Variants in NCKAP5 observed in about 807,000 individuals in gnomAD.
NCKAP5 encodes NCK associated protein 5, also known as nck-associated protein 5.
NCKAP5 carries 92 observed loss-of-function variants against 167.0 expected under a neutral mutation model. That is an observed-to-expected ratio of 0.55 (90% CI 0.47 to 0.66). NCKAP5 has a LOEUF of 0.66. Ranked by LOEUF, NCKAP5 falls within the 30% of genes least tolerant of loss-of-function variation. The pLI, the probability that NCKAP5 is intolerant of heterozygous loss-of-function variation, is 0.00. For synonymous variants in NCKAP5, 891 were observed against 877.4 expected, an observed-to-expected ratio of 1.02 and a Z score of -0.27; for missense variants, 2,378 against 2,315.0, an observed-to-expected ratio of 1.03 and a Z score of -0.56.
chr2:133,143,442 A>C (rs1460473280), intron 5 of NCKAP5, among the ~76,000 whole-genome samples: 1 of 152,170 alleles, frequency 6.6e-6, no homozygotes, highest in African/African-American at 2.4e-5. Context: ...ATAAAAACAC[A>C]ACTGCTATAA....
chr2:133,431,470 A>C (rs1690156311), intron 3 of NCKAP5, among the ~76,000 whole-genome samples: 1 of 152,148 alleles, frequency 6.6e-6, no homozygotes, highest in Non-Finnish European at 1.5e-5. Context: ...GGAGGCCCTG[A>C]AGGCTTTTTC....
chr2:133,266,693 C>T (rs2089246632), intron 4 of NCKAP5, among the ~76,000 whole-genome samples: 1 of 152,168 alleles, frequency 6.6e-6, no homozygotes, highest in African/African-American at 2.4e-5. Flanking sequence ...TCACCGCAGC[C>T]CGGGCACCTC....
At chr2:132,902,389 CAG>C (rs1693693140) in intron 8 of NCKAP5, among the ~76,000 whole-genome samples, 1 of 152,136 alleles carries the variant, frequency 6.6e-6, no homozygotes, top group Non-Finnish European at 1.5e-5. Context: ...TCAAGGGGAA[CAG>C]AGTTATGACA....
intron 3 of NCKAP5, among the ~76,000 whole-genome samples, chr2:133,499,835 G>A (rs1682333297): frequency 6.6e-6 from 1 of 152,202 alleles, no homozygotes; most frequent in Admixed American, 6.5e-5. Context: ...TGGGATTACA[G>A]GCGTGAGCCA....
intron 6 of NCKAP5, among the ~76,000 whole-genome samples, chr2:133,128,878 G>A (rs759776030): frequency 3.3e-5 from 5 of 151,714 alleles, no homozygotes; most frequent in Non-Finnish European, 5.9e-5. Context: ...AATTACAGGC[G>A]TGAACCACTG....
Position 133,325,533 on chromosome 2 carries a change from C to T in NCKAP5, c.70-22423G>A, listed in dbSNP as rs77193469. The stretch of plus-strand genomic sequence containing the variant: ...TAAGCTCTTGCATCTCTAGTTTCTA[C>T]AGCCAACCATATACTGGTTTTAGGG... On this transcript the variant is annotated intron_variant, in intron 3 of 19. Coordinates refer to ENST00000409261, the MANE Select transcript of NCKAP5 (RefSeq NM_207363.3). Among the ~76,000 whole-genome samples the T allele has an allele frequency of 5.0e-3, 754 of 152,318 alleles. 7 individuals carry two copies. The highest frequency in any genetic ancestry group is 0.017 in the African/African-American group (712 of 41,558).
At chr2:133,673,512 T>C in the NCKAP5 span, among the ~76,000 whole-genome samples, 1 of 152,306 alleles carries the variant, frequency 6.6e-6, no homozygotes, top group African/African-American at 2.4e-5. Flanking sequence ...CTACTGTGTG[T>C]GTGAGGAGGT....
chr2:133,212,308 C>T (rs1175114405), intron 5 of NCKAP5, among the ~76,000 whole-genome samples: 1 of 152,174 alleles, frequency 6.6e-6, no homozygotes, highest in African/African-American at 2.4e-5. Flanking sequence ...GCTCAGTCCA[C>T]CATCCAACTA....
At chr2:133,199,434 A>C (rs2085577587) in intron 5 of NCKAP5, among the ~76,000 whole-genome samples, 1 of 152,076 alleles carries the variant, frequency 6.6e-6, no homozygotes. Flanking sequence ...TAGGCAAAAT[A>C]ATTTAACAAA....
intron 5 of NCKAP5, among the ~76,000 whole-genome samples, chr2:133,194,138 G>A (rs1291555929): frequency 6.6e-6 from 1 of 151,946 alleles, no homozygotes; most frequent in Non-Finnish European, 1.5e-5. Context: ...TTTTTCTAAG[G>A]CTCCTTTTTT....
intron 2 of NCKAP5, among the ~76,000 whole-genome samples, chr2:133,552,561 C>G (rs1199690003): frequency 7.7e-6 from 1 of 129,176 alleles, no homozygotes; most frequent in African/African-American, 2.9e-5. Context: ...CACATGGACA[C>G]AGGAAGGGGA....
At chr2:133,262,800 C>T (rs1198064034) in intron 4 of NCKAP5, among the ~76,000 whole-genome samples, 1 of 152,098 alleles carries the variant, frequency 6.6e-6, no homozygotes, top group African/African-American at 2.4e-5. Context: ...GGCACAGTTC[C>T]ACATAAAAAG....
chr2:133,074,522 G>T (rs763515530), intron 6 of NCKAP5, among the ~76,000 whole-genome samples: 1 of 151,986 alleles, frequency 6.6e-6, no homozygotes, highest in Non-Finnish European at 1.5e-5. Context: ...CAACCCTCCA[G>T]CTAGTTTTTT....
rs571281219 is a variant in NCKAP5, at chr2:132,890,038, G to T, written c.580-11122C>A. Among the ~76,000 whole-genome samples the T allele has an allele frequency of 1.4e-4, 21 of 152,282 alleles. 1 individual carries two copies. The South Asian group carries it at 4.3e-3, about 32-fold the overall frequency. ...TGTGGCTTTCCCACGGCAAAAGCTG[G>T]TCTTTTCCAGAGTGACATCTTTCAA... On this transcript the variant is annotated intron_variant, in intron 8 of 19. Transcript: ENST00000409261.
At chr2:133,204,564 TTC>T (rs2085858050) in intron 5 of NCKAP5, among the ~76,000 whole-genome samples, 1 of 152,204 alleles carries the variant, frequency 6.6e-6, no homozygotes, top group Non-Finnish European at 1.5e-5. Flanking sequence ...TTGTTTGACT[TTC>T]TCATTTTTAG....
At chr2:133,537,329 A>G (rs1411538957) in intron 2 of NCKAP5, among the ~76,000 whole-genome samples, 1 of 152,090 alleles carries the variant, frequency 6.6e-6, no homozygotes, top group African/African-American at 2.4e-5. Context: ...AGATCAACTT[A>G]TAAATGTCTG....
At chr2:133,227,564 A>G (rs1028729857) in intron 4 of NCKAP5, among the ~76,000 whole-genome samples, 4 of 152,180 alleles carry the variant, frequency 2.6e-5, no homozygotes, top group Non-Finnish European at 5.9e-5. Context: ...TCTCTACCCA[A>G]CTGAGCCATT....
rs113835365 is a variant in NCKAP5 at position 133,526,818 on chromosome 2, G to A, written c.-61-9231C>T. ...CCTGTGAACTCCTAAAGGGAAGGTCGGTATAGAAACAAAACAGATAAATAC... is the reference window on the plus strand; with the variant it reads ...CCTGTGAACTCCTAAAGGGAAGGTCAGTATAGAAACAAAACAGATAAATAC... On this transcript the variant is annotated intron_variant, in intron 2 of 19. Transcript: ENST00000409261. 7.8e-3 allele frequency among the ~76,000 whole-genome samples: 1,188 copies of A among 151,774 alleles called. 7 individuals carry two copies. The highest frequency in any genetic ancestry group is 0.027 in the African/African-American group (1,123 of 41,370).
intron 3 of NCKAP5, among the ~76,000 whole-genome samples, chr2:133,383,017 G>C (rs1329687149): frequency 6.6e-6 from 1 of 152,028 alleles, no homozygotes; most frequent in Non-Finnish European, 1.5e-5. Context: ...ATTATTCACA[G>C]CTTCCAGGCA....
Sources: gnomAD v4.1 joint callset for allele counts (sites outside exome capture counted in the v4.1 genomes callset) on GRCh38, gnomAD v4.1.1 for gene constraint, MANE v1.5 for transcripts, NCBI Gene and HGNC (gene_info 2026-07-23, HGNC 2026-07-21) for gene names.